Variants in UBTD1 observed in about 807,000 individuals in gnomAD.
UBTD1 encodes the protein ubiquitin domain-containing protein 1.
A neutral mutation model predicts 21.7 loss-of-function variants in UBTD1; 19 were observed. The observed-to-expected ratio is 0.87, with a 90% CI of 0.61 to 1.28. UBTD1 has a LOEUF of 1.28. UBTD1 is among the 50% of genes most tolerant of loss of function. UBTD1 has a pLI of 0.00. For missense variants in UBTD1, 282 were observed against 315.1 expected, an observed-to-expected ratio of 0.89 and a Z score of 0.80; for synonymous variants, 116 against 135.1, an observed-to-expected ratio of 0.86 and a Z score of 0.98.
intron 1 of UBTD1, among the ~76,000 whole-genome samples, chr10:97,522,005 C>G (rs2040468815): frequency 6.6e-6 from 1 of 152,188 alleles, no homozygotes; most frequent in Non-Finnish European, 1.5e-5. Context: ...GTGAGGTGGT[C>G]CCACAGTGCC....
chr10:97,569,762 AGTG>A (rs1392099384), intron 2 of UBTD1, among the ~76,000 whole-genome samples: 1 of 151,812 alleles, frequency 6.6e-6, no homozygotes, highest in Admixed American at 6.6e-5. Context: ...GCGAGTGGAG[AGTG>A]AGATAGTGCT....
chr10:97,562,107 A>G lies in UBTD1; in HGVS notation c.71-5807A>G, dbSNP rs529108260. ...GTGTCTTCAGGCACAGCTGACCAGC[A>G]TTAACATTAAAACGGTCCAGGCGTG... On this transcript the variant is annotated intron_variant, in intron 1 of 2. Transcript: ENST00000370664. 3.9e-5 allele frequency among the ~76,000 whole-genome samples: 6 copies of G among 152,322 alleles called. No individual in the cohort carries two copies. In the East Asian group the frequency reaches 1.2e-3, roughly 29 times the overall value.
intron 1 of UBTD1, among the ~76,000 whole-genome samples, chr10:97,547,357 T>C (rs2040615855): frequency 6.6e-6 from 1 of 152,144 alleles, no homozygotes; most frequent in Non-Finnish European, 1.5e-5. Flanking sequence ...TCTAGCAACC[T>C]CTGGGGAGTT....
chr10:97,547,901 G>GA (rs1554867090), intron 1 of UBTD1, among the ~76,000 whole-genome samples: 5,285 of 43,440 alleles, frequency 0.12, 226 homozygotes, highest in African/African-American at 0.17. Context: ...GCAACTTTAT[G>GA]AAAAAAAAAA....
At chr10:97,501,735 A>G (rs1564733636) in intron 1 of UBTD1, among the ~76,000 whole-genome samples, 1 of 152,190 alleles carries the variant, frequency 6.6e-6, no homozygotes, top group African/African-American at 2.4e-5. Flanking sequence ...CTTCTCTGAC[A>G]TTAAGACCAC....
At chr10:97,523,254 C>A (rs1169948606) in intron 1 of UBTD1, among the ~76,000 whole-genome samples, 1 of 152,156 alleles carries the variant, frequency 6.6e-6, no homozygotes, top group African/African-American at 2.4e-5. Context: ...AGTGTCTTCA[C>A]CCTGAAGGTG....
chr10:97,527,847 A>T (rs989072730), intron 1 of UBTD1, among the ~76,000 whole-genome samples: 1 of 152,132 alleles, frequency 6.6e-6, no homozygotes, highest in East Asian at 1.9e-4. Flanking sequence ...TCCCATGTCT[A>T]CTTCTTTCTA....
intron 1 of UBTD1, among the ~76,000 whole-genome samples, chr10:97,561,284 C>G (rs1006150755): frequency 6.6e-6 from 1 of 152,058 alleles, no homozygotes; most frequent in Non-Finnish European, 1.5e-5. Context: ...CTGCCTCAGC[C>G]GTCCGTGAGT....
intron 1 of UBTD1, among the ~76,000 whole-genome samples, chr10:97,500,827 A>C (rs1447759847): frequency 1.3e-5 from 2 of 152,196 alleles, no homozygotes; most frequent in African/African-American, 4.8e-5. Context: ...GAATACCCCT[A>C]TGCTTAAACT....
chr10:97,562,735 G>A (rs2040698672), intron 1 of UBTD1, among the ~76,000 whole-genome samples: 1 of 152,144 alleles, frequency 6.6e-6, no homozygotes, highest in African/African-American at 2.4e-5. Context: ...GTTAAGGCAG[G>A]AACTGGGCTA....
rs1275521490 is a variant in UBTD1 at position 97,539,898 on chromosome 10, TAAG to T, written c.71-28015_71-28013del. Among the ~76,000 whole-genome samples the T allele has an allele frequency of 4.0e-5, 6 of 151,362 alleles. No homozygotes were observed. In the East Asian group the frequency reaches 7.9e-4, roughly 20 times the overall value. ...TCCCTTCCTTCCAGATCCACCTCCT[TAAG>T]CATTGCCAAATCAAATAGCTGGGAT... is the stretch of plus-strand genomic sequence containing the variant. On this transcript the variant is annotated intron_variant, in intron 1 of 2. Transcript: ENST00000370664.
At chr10:97,550,143 G>A (rs1350735416) in intron 1 of UBTD1, among the ~76,000 whole-genome samples, 3 of 152,168 alleles carry the variant, frequency 2.0e-5, no homozygotes, top group Non-Finnish European at 4.4e-5. Context: ...CCCGTCTGGT[G>A]TGAGAGCCGT....
rs1273169821 is a variant in UBTD1, at chr10:97,570,457, G to A, written c.618G>A (p.Glu206=). ...KLLTDRTRLQ[E]TKIQKDFVIQ... ...TCACAGACCGCACACGGCTCCAGGA[G>A]ACCAAGATCCAGAAAGATTTTGTCA... The change falls in exon 3 of 3, where the codon GAG becomes GAA. Residue 206 remains glutamate (E), a synonymous_variant. Coordinates refer to ENST00000370664, the MANE Select transcript of UBTD1 (RefSeq NM_024954.5). The surrounding 1 kb of genome is among the most constrained non-coding windows in gnomAD (Gnocchi z 6.6). 5.6e-6 allele frequency: 9 copies of A among 1,612,648 alleles called. 1 individual carries two copies. The highest frequency in any genetic ancestry group is 3.3e-4 in the Middle Eastern group (2 of 6,084).
At chr10:97,507,774 C>CAAAAA (rs61128714) in intron 1 of UBTD1, among the ~76,000 whole-genome samples, 4 of 59,540 alleles carry the variant, frequency 6.7e-5, no homozygotes, top group Non-Finnish European at 9.5e-5. Context: ...GACTCCGTCT[C>CAAAAA]AAAAAAAAAA....
chr10:97,526,488 C>CT (rs1352764961), intron 1 of UBTD1, among the ~76,000 whole-genome samples: 2 of 152,160 alleles, frequency 1.3e-5, no homozygotes, highest in African/African-American at 4.8e-5. Flanking sequence ...ACAATAAAAT[C>CT]TGAGTCCAGG....
In UBTD1 at chr10:97,568,129, AC is replaced by A; in HGVS notation, c.289del (p.Leu97CysfsTer28). ...AQAILDGASITLPHGTLCECY... is the reference protein window; with the variant it reads ...AQAILDGASIXLPHGTLCECY... ...GGCCATCCTGGATGGAGCCAGCATC[AC>A]CCTGCCTCATGGTAAGTGGGCAGGG... On this transcript the variant is annotated frameshift_variant, in exon 2 of 3. Transcript: ENST00000370664. LOFTEE classifies it high-confidence loss of function. 6.2e-7 allele frequency: 1 copy of A among 1,613,598 alleles called. No homozygotes were observed. The highest frequency in any genetic ancestry group is 8.5e-7 in the Non-Finnish European group (1 of 1,180,020).
chr10:97,544,669 A>T (rs2040600600), intron 1 of UBTD1, among the ~76,000 whole-genome samples: 1 of 152,144 alleles, frequency 6.6e-6, no homozygotes, highest in South Asian at 2.1e-4. Flanking sequence ...TCTTACAATA[A>T]AGTAAGCTAG....
chr10:97,569,924 A>G (rs2040736904), intron 2 of UBTD1, among the ~76,000 whole-genome samples: 1 of 152,062 alleles, frequency 6.6e-6, no homozygotes. Context: ...AAAAGAAAAA[A>G]AAAAAAAGGA....
intron 1 of UBTD1, among the ~76,000 whole-genome samples, chr10:97,519,380 GC>G (rs1275848584): frequency 6.6e-6 from 1 of 152,186 alleles, no homozygotes; most frequent in Non-Finnish European, 1.5e-5. Flanking sequence ...AGAAATAATA[GC>G]CTAATCTTGA....
Sources: gnomAD v4.1 joint callset for allele counts (sites outside exome capture counted in the v4.1 genomes callset) on GRCh38, gnomAD v4.1.1 for gene constraint, Gnocchi (gnomAD v3.1) non-coding constraint, MANE v1.5 for transcripts, NCBI Gene and HGNC (gene_info 2026-07-23, HGNC 2026-07-21) for gene names.